TSHZ2: variants seen among roughly 807,000 people sequenced by gnomAD.
TSHZ2 encodes the protein teashirt homolog 2.
A neutral mutation model predicts 74.4 loss-of-function variants in TSHZ2; 21 were observed. The observed-to-expected ratio is 0.28, with a 90% CI of 0.20 to 0.41. The LOEUF (loss-of-function observed/expected upper bound fraction) is 0.41. Among genes scored for constraint, TSHZ2 ranks in the 10% least tolerant of loss-of-function variants. The probability of loss-of-function intolerance (pLI) is 1.00; values close to 1 mark genes in which losing one functional copy is unlikely to be tolerated. For missense variants in TSHZ2, 1,244 were observed against 1,293.5 expected, an observed-to-expected ratio of 0.96 and a Z score of 0.59; for synonymous variants, 540 against 515.3, an observed-to-expected ratio of 1.05 and a Z score of -0.65.
At chr20:53,362,943 C>G (rs1219314055) in intron 2 of TSHZ2, among the ~76,000 whole-genome samples, 1 of 152,250 alleles carries the variant, frequency 6.6e-6, no homozygotes, top group East Asian at 1.9e-4. Context: ...CTGCCACCCT[C>G]AGGTGCTGCT....
intron 1 of TSHZ2, among the ~76,000 whole-genome samples, chr20:53,039,961 C>T (rs968005757): frequency 3.3e-5 from 5 of 152,144 alleles, no homozygotes; most frequent in East Asian, 1.9e-4. Context: ...CAAAAATTAG[C>T]CAGGCGTGGA....
chr20:53,215,735 G>T (rs968497041), intron 1 of TSHZ2, among the ~76,000 whole-genome samples: 4 of 151,740 alleles, frequency 2.6e-5, no homozygotes, highest in Middle Eastern at 3.2e-3. Context: ...GGGCATGGTG[G>T]CACATGCCTG....
At chr20:53,434,636 C>A (rs1983973600) in intron 2 of TSHZ2, among the ~76,000 whole-genome samples, 1 of 152,194 alleles carries the variant, frequency 6.6e-6, no homozygotes, top group African/African-American at 2.4e-5. Flanking sequence ...GTCAGTTCTG[C>A]TCTCCCAGCT....
intron 2 of TSHZ2, among the ~76,000 whole-genome samples, chr20:53,318,611 G>A (rs145437529): frequency 6.6e-6 from 1 of 152,288 alleles, no homozygotes; most frequent in East Asian, 1.9e-4. Context: ...GGCATCGTGG[G>A]CAGGAACACA....
chr20:53,087,701 T>C (rs1985741428), intron 1 of TSHZ2, among the ~76,000 whole-genome samples: 1 of 152,220 alleles, frequency 6.6e-6, no homozygotes, highest in African/African-American at 2.4e-5. Flanking sequence ...TTTAGTGGTG[T>C]CTTCAGGCTA....
rs1473936982 is a variant in TSHZ2 at position 53,253,505 on chromosome 20, C to T, written c.47C>T (p.Ala16Val). 6 of 1,606,142 alleles carry T rather than the reference C, an allele frequency of 3.7e-6. No individual in the cohort carries two copies. In the African/African-American group the frequency reaches 8.0e-5, roughly 22 times the overall value. Residue 16 changes from alanine to valine, a missense_variant, in exon 2 of 3, where the codon GCC becomes GTC. By Grantham distance (64) the Ala-to-Val change is moderately conservative. This residue lies in a region of TSHZ2 where 470 missense variants were observed against 456.5 expected (regional missense o/e 1.03). Coordinates refer to ENST00000371497, the MANE Select transcript of TSHZ2 (RefSeq NM_173485.6). ...TCTTCTTCTTCTCTTGCAGGCTACG[C>T]CCAGGAGGAACAGCTGAAAGAAGAG... Reference protein sequence around the residue: ...QQAPKRAAGYAQEEQLKEEEE... With the variant: ...QQAPKRAAGYVQEEQLKEEEE...
chr20:53,006,158 G>C (rs1351576883), intron 1 of TSHZ2, among the ~76,000 whole-genome samples: 1 of 152,202 alleles, frequency 6.6e-6, no homozygotes, highest in Non-Finnish European at 1.5e-5. Flanking sequence ...ATTATAAAAA[G>C]TGCATGAGTT....
chr20:53,413,585 A>T (rs1983130368), intron 2 of TSHZ2, among the ~76,000 whole-genome samples: 1 of 152,200 alleles, frequency 6.6e-6, no homozygotes, highest in Admixed American at 6.5e-5. Flanking sequence ...TGGGTAGGAG[A>T]TGACACGAGT....
At chr20:53,326,249 G>A (rs4811424) in intron 2 of TSHZ2, among the ~76,000 whole-genome samples, 2 of 152,206 alleles carry the variant, frequency 1.3e-5, no homozygotes, top group Admixed American at 1.3e-4. Context: ...TGTCGGATTT[G>A]TCCCCATCCA....
chr20:53,474,151 A>G lies in TSHZ2; in HGVS notation c.*9-12993A>G, dbSNP rs543472459. ...GCCAACGTTCAGATTCAGGAAATGC[A>G]GAGAACGCCACAAAGATACTCCTCG... On this transcript the variant is annotated intron_variant, in intron 2 of 2. Transcript: ENST00000371497. 1.3e-3 allele frequency among the ~76,000 whole-genome samples: 190 copies of G among 149,544 alleles called. 5 individuals are homozygous for G. The highest frequency in any genetic ancestry group is 6.8e-3 in the Middle Eastern group (2 of 294).
At chr20:53,388,111 A>G (rs910290987) in intron 2 of TSHZ2, among the ~76,000 whole-genome samples, 5 of 151,964 alleles carry the variant, frequency 3.3e-5, no homozygotes, top group Admixed American at 6.6e-5. Flanking sequence ...ACTCATCCCT[A>G]TCAAACTGAC....
At chr20:53,305,365 C>T (rs1211336207) in intron 2 of TSHZ2, among the ~76,000 whole-genome samples, 1 of 152,208 alleles carries the variant, frequency 6.6e-6, no homozygotes, top group African/African-American at 2.4e-5. Context: ...GTAGAAGGCA[C>T]AGTCAGCTCT....
intron 1 of TSHZ2, among the ~76,000 whole-genome samples, chr20:53,019,142 T>A (rs1983143999): frequency 6.6e-6 from 1 of 152,210 alleles, no homozygotes; most frequent in South Asian, 2.1e-4. Flanking sequence ...GCACATAGGT[T>A]ACAGGTCATG....
chr20:53,045,867 T>C (rs1190362084), intron 1 of TSHZ2, among the ~76,000 whole-genome samples: 1 of 152,208 alleles, frequency 6.6e-6, no homozygotes, highest in Admixed American at 6.5e-5. Flanking sequence ...AAAGTGCCAC[T>C]CTGCATGTAC....
chr20:53,087,995 A>G (rs942023549), intron 1 of TSHZ2, among the ~76,000 whole-genome samples: 3 of 152,158 alleles, frequency 2.0e-5, no homozygotes, highest in Non-Finnish European at 4.4e-5. Context: ...TTTAAAATTG[A>G]CTTAAGCTTT....
intron 1 of TSHZ2, among the ~76,000 whole-genome samples, chr20:53,038,752 A>T (rs532417094): frequency 6.6e-6 from 1 of 152,322 alleles, no homozygotes; most frequent in South Asian, 2.1e-4. Context: ...CCAGAGAGAT[A>T]AAGGTACTGA....
chr20:53,314,074 G>A (rs2749121), intron 2 of TSHZ2, among the ~76,000 whole-genome samples: 52,771 of 151,864 alleles, frequency 0.35, 9,551 homozygotes, highest in Non-Finnish European at 0.4. Flanking sequence ...GATCACTTGA[G>A]GTCAGGAGTT....
chr20:53,086,422 A>C (rs1007580406), intron 1 of TSHZ2, among the ~76,000 whole-genome samples: 1 of 152,048 alleles, frequency 6.6e-6, no homozygotes, highest in Non-Finnish European at 1.5e-5. Flanking sequence ...GCCTACTTTC[A>C]GTCCATTTGT....
chr20:53,471,541 A>G (rs778986544), intron 2 of TSHZ2, among the ~76,000 whole-genome samples: 35 of 152,350 alleles, frequency 2.3e-4, no homozygotes, highest in East Asian at 1.3e-3. Context: ...GTCAAGTCCT[A>G]TGGGTAAGAA....
Sources: allele counts gnomAD v4.1 joint callset (sites outside exome capture counted in the v4.1 genomes callset), GRCh38; gene constraint gnomAD v4.1.1; regional missense constraint gnomAD v4.1.1; transcripts MANE v1.5; gene names NCBI Gene and HGNC (gene_info 2026-07-23, HGNC 2026-07-21).